Variants in RGPD6 observed in about 807,000 individuals in gnomAD.
The protein encoded by RGPD6 is RANBP2-like and GRIP domain-containing protein 5/6.
At chr2:110,599,818 T>A in the RGPD6 span, among the ~76,000 whole-genome samples, 9 of 102,498 alleles carry the variant, frequency 8.8e-5, no homozygotes, top group East Asian at 2.5e-3. Flanking sequence ...CTACTTCCTT[T>A]CAGACTCCAA....
At chr2:110,599,746 T>TA in the RGPD6 span, among the ~76,000 whole-genome samples, 1 of 57,744 alleles carries the variant, frequency 1.7e-5, no homozygotes, top group African/African-American at 5.9e-5. Context: ...GGAATAAAAG[T>TA]AAGGAAAAGA....
the RGPD6 span, among the ~76,000 whole-genome samples, chr2:110,606,003 T>C: frequency 6.6e-6 from 1 of 151,644 alleles, no homozygotes; most frequent in Non-Finnish European, 1.5e-5. Context: ...ATTCTTCTAT[T>C]AAGTTCCCAA....
At chr2:110,607,031 A>G in the RGPD6 span, among the ~76,000 whole-genome samples, 2 of 151,528 alleles carry the variant, frequency 1.3e-5, no homozygotes, top group South Asian at 2.1e-4. Context: ...GATGATCAAT[A>G]AATATTTGTT....
chr2:110,605,205 G>GC, the RGPD6 span, among the ~76,000 whole-genome samples: 1 of 151,774 alleles, frequency 6.6e-6, no homozygotes. Flanking sequence ...GAGGGCCCCT[G>GC]CCTCCTCCAG....
the RGPD6 span, among the ~76,000 whole-genome samples, chr2:110,597,001 A>AG: frequency 3.5e-5 from 4 of 115,436 alleles, no homozygotes; most frequent in African/African-American, 1.5e-4. Context: ...GTTTTTGAGA[A>AG]GGAGTCTCGC....
At chr2:110,605,817 T>G in the RGPD6 span, among the ~76,000 whole-genome samples, 4,078 of 151,296 alleles carry the variant, frequency 0.027, 107 homozygotes, top group African/African-American at 0.049. Context: ...CATGTTTCTA[T>G]TCACAGTCTT....
the RGPD6 span, among the ~76,000 whole-genome samples, chr2:110,609,602 A>G: frequency 2.3e-3 from 336 of 143,538 alleles, 11 homozygotes; most frequent in Non-Finnish European, 4.1e-3. Flanking sequence ...ATGCAGTTTT[A>G]GACACATGTG....
chr2:110,604,785 T>C, the RGPD6 span, among the ~76,000 whole-genome samples: 5 of 148,294 alleles, frequency 3.4e-5, 1 homozygote, highest in African/African-American at 1.3e-4. Context: ...TTAATTTGCC[T>C]ATTAATCTGT....
chr2:110,572,307 G>A (rs1317948382), intron 1 of RGPD6, among the ~76,000 whole-genome samples: 1 of 1,402 alleles, frequency 7.1e-4, no homozygotes, highest in African/African-American at 1.3e-3. Flanking sequence ...GCTGGAGTGC[G>A]GTGGCTCGAT....
At position 110,577,056 on chromosome 2, in the gene RGPD6, C is replaced by A; in HGVS notation, c.-32G>T. On this transcript the variant is annotated 5_prime_UTR_variant, in exon 1 of 23. Coordinates refer to ENST00000329516, the MANE Select transcript of RGPD6 (RefSeq NM_001123363.4). ...GCCAACCTGGCTCCCGAGACGCGTGCGAGCACCGCTCAGCCCCGCAGCAGT... is the reference window on the plus strand; with the variant it reads ...GCCAACCTGGCTCCCGAGACGCGTGAGAGCACCGCTCAGCCCCGCAGCAGT... The A allele has an allele frequency of 5.1e-6, 1 of 196,824 alleles. No individual in the cohort carries two copies. Among genetic ancestry groups the A allele is most frequent in the Non-Finnish European group, 6.5e-6 (1 of 154,910 alleles). The allele number at this position is 196,824 out of a possible 1,614,324, so 12.2% of individuals were successfully genotyped here.
the RGPD6 span, among the ~76,000 whole-genome samples, chr2:110,593,089 A>G: frequency 1.3e-5 from 2 of 148,264 alleles, no homozygotes; most frequent in Admixed American, 1.3e-4. Flanking sequence ...CATTCCACAC[A>G]TTTATAAAGG....
chr2:110,610,131 G>A, the RGPD6 span, among the ~76,000 whole-genome samples: 3 of 106,002 alleles, frequency 2.8e-5, no homozygotes, highest in African/African-American at 1.1e-4. Flanking sequence ...GTCTCCCTGG[G>A]CTAAGGCCTC....
the RGPD6 span, among the ~76,000 whole-genome samples, chr2:110,600,944 T>C: frequency 6.6e-6 from 1 of 150,862 alleles, no homozygotes; most frequent in African/African-American, 2.4e-5. Flanking sequence ...CTGCACTCCT[T>C]AACAGAAGAG....
At chr2:110,607,238 T>G in the RGPD6 span, among the ~76,000 whole-genome samples, 1 of 151,100 alleles carries the variant, frequency 6.6e-6, no homozygotes, top group East Asian at 1.9e-4. Context: ...GCCCAACTCT[T>G]CAAGACTCTA....
At chr2:110,608,337 C>T in the RGPD6 span, among the ~76,000 whole-genome samples, 1 of 148,574 alleles carries the variant, frequency 6.7e-6, no homozygotes, top group Non-Finnish European at 1.5e-5. Context: ...CTTCTATTTC[C>T]TCATCTATAA....
chr2:110,609,576 T>C, the RGPD6 span, among the ~76,000 whole-genome samples: 2 of 143,414 alleles, frequency 1.4e-5, no homozygotes, highest in African/African-American at 5.7e-5. Context: ...ACATTGCATA[T>C]TCATGTGCAC....
At chr2:110,610,810 CGCCGCCGCCGCCGAAGCTCGG>C in the RGPD6 span, 1 of 1,087,606 alleles carries the variant, frequency 9.2e-7, no homozygotes, top group East Asian at 8.3e-5. Context: ...CCGCCGCTGC[CGCCGCCGCCGCCGAAGCTCGG>C]GCCGCCCGCG....
chr2:110,601,334 C>T, the RGPD6 span, among the ~76,000 whole-genome samples: 86 of 144,436 alleles, frequency 6.0e-4, no homozygotes, highest in African/African-American at 2.2e-3. Context: ...TCATCAGTAG[C>T]TTTTTCTATT....
At chr2:110,594,255 G>GAACA in the RGPD6 span, among the ~76,000 whole-genome samples, 1 of 142,080 alleles carries the variant, frequency 7.0e-6, no homozygotes, top group Non-Finnish European at 1.5e-5. Context: ...AACAAACTAG[G>GAACA]AACAGAAGGA....
Sources: allele counts gnomAD v4.1 joint callset (sites outside exome capture counted in the v4.1 genomes callset), GRCh38; gene constraint gnomAD v4.1.1; transcripts MANE v1.5; gene names NCBI Gene and HGNC (gene_info 2026-07-23, HGNC 2026-07-21).